Variants in ASIP observed in about 807,000 individuals in gnomAD.
The protein encoded by ASIP is agouti-signaling protein.
ASIP carries 11 observed loss-of-function variants against 10.3 expected under a neutral mutation model. The ratio of observed to expected loss-of-function variants is 1.07; its 90% CI spans 0.68 to 1.78. The LOEUF is 1.78. Ranked by LOEUF, ASIP falls within the 40% of genes most tolerant of loss-of-function variation. ASIP has a pLI of 0.00. For missense variants in ASIP, 180 were observed against 169.2 expected (o/e 1.06, Z -0.35); for synonymous variants, 70 against 70.8 (o/e 0.99, Z 0.06).
At chr20:34,214,094 A>C in intron 1 of ASIP, 1 of 1,174,628 alleles carries the variant, frequency 8.5e-7, no homozygotes, top group Non-Finnish European at 1.3e-6. Context: ...AAATTTGATC[A>C]TCGCTGCTCA....
chr20:34,243,600 C>T (rs1361581165), intron 1 of ASIP, among the ~76,000 whole-genome samples: 3 of 151,968 alleles, frequency 2.0e-5, no homozygotes, highest in Non-Finnish European at 2.9e-5. Context: ...AGACATCTGC[C>T]AGCACCAACA....
chr20:34,222,538 C>A (rs1207079363), intron 1 of ASIP, among the ~76,000 whole-genome samples: 1 of 152,104 alleles, frequency 6.6e-6, no homozygotes, highest in Non-Finnish European at 1.5e-5. Context: ...TTTTTTCAGG[C>A]CCTAGATTCT....
chr20:34,249,780 A>G (rs2035443783), intron 1 of ASIP, among the ~76,000 whole-genome samples: 1 of 152,232 alleles, frequency 6.6e-6, no homozygotes, highest in Non-Finnish European at 1.5e-5. Context: ...TATGCAGAAC[A>G]TAAAGCAACT....
chr20:34,208,799 A>G (rs1475865236), intron 1 of ASIP, among the ~76,000 whole-genome samples: 1 of 152,172 alleles, frequency 6.6e-6, no homozygotes, highest in Non-Finnish European at 1.5e-5. Flanking sequence ...TCTTGAATCA[A>G]TGTTTTATAG....
chr20:34,194,526 A>G (rs75410524), upstream of ASIP: 1 of 104,514 alleles, frequency 9.6e-6, no homozygotes, highest in African/African-American at 3.5e-5. Context: ...GTTTCAAAGG[A>G]AAAAAAAAAA....
At chr20:34,235,767 AGAGT>A (rs2035173347) in intron 1 of ASIP, among the ~76,000 whole-genome samples, 1 of 147,836 alleles carries the variant, frequency 6.8e-6, no homozygotes, top group African/African-American at 2.5e-5. Flanking sequence ...CCTGTGTGAC[AGAGT>A]GAGACTCTGA....
Position 34,241,489 on chromosome 20 carries a change from T to C in ASIP, c.-11T>C, listed in dbSNP as rs1568759216. 1 of 985,326 alleles carries C rather than the reference T, an allele frequency of 1.0e-6. No individual in the cohort carries two copies. Among genetic ancestry groups the C allele is most frequent in the Non-Finnish European group, 1.2e-6 (1 of 829,946 alleles). 61.0% of individuals were successfully genotyped at this position (985,326 alleles called of 1,614,324 possible). On this transcript the variant is annotated splice_region_variant and 5_prime_UTR_variant, in exon 1 of 4. An upstream start codon of the reference 5' UTR is lost. Transcript: ENST00000374954. ...GGCCTGGGCTCTTTGCGGGAAAGCA[T>C]GTGAGTTTAGATGGCAACTTTAATC...
chr20:34,252,278 C>T (rs751093022), intron 1 of ASIP, among the ~76,000 whole-genome samples: 17 of 152,138 alleles, frequency 1.1e-4, no homozygotes, highest in Non-Finnish European at 2.1e-4. Flanking sequence ...CTCTGAGTTC[C>T]CTCAGTATTT....
chr20:34,260,514 T>G lies in ASIP; in HGVS notation c.140T>G (p.Val47Gly). The G allele has an allele frequency of 6.2e-7, 1 of 1,613,232 alleles. No homozygotes were observed. The highest frequency in any genetic ancestry group is 1.3e-5 in the African/African-American group (1 of 75,048). Residue 47 changes from valine (V) to glycine (G), a missense_variant, in exon 2 of 4, where the codon GTC (valine) becomes GGC (glycine). Transcript: ENST00000374954. ...AACTCCTCTGTGAACCTACTGGATG[T>G]CCCTTCTGTCTCTATTGTGGGTAAG... is the stretch of plus-strand genomic sequence containing the variant. Reference protein sequence around the residue: ...RSNSSVNLLDVPSVSIVALNK... With the variant: ...RSNSSVNLLDGPSVSIVALNK...
At chr20:34,196,644 G>T (rs1291524838) in intron 1 of ASIP, among the ~76,000 whole-genome samples, 1 of 152,178 alleles carries the variant, frequency 6.6e-6, no homozygotes, top group Non-Finnish European at 1.5e-5. Flanking sequence ...GATTTATTCA[G>T]ATTTTGGGAA....
At chr20:34,194,856 C>T (rs1467845214) in intron 1 of ASIP, 1 of 152,210 alleles carries the variant, frequency 6.6e-6, no homozygotes, top group Admixed American at 6.6e-5. Flanking sequence ...TATCTATGGG[C>T]TTGACTTCTT....
At chr20:34,240,592 G>A (rs573271487), upstream of ASIP, among the ~76,000 whole-genome samples, 2 of 152,254 alleles carry the variant, frequency 1.3e-5, no homozygotes, top group East Asian at 3.9e-4. Flanking sequence ...CTAATAAGGT[G>A]GGCTGGGCCT....
At chr20:34,247,300 C>CTTTT (rs201908221) in intron 1 of ASIP, among the ~76,000 whole-genome samples, 2 of 120,692 alleles carry the variant, frequency 1.7e-5, no homozygotes, top group Non-Finnish European at 3.5e-5. Context: ...TTATATGATG[C>CTTTT]TTTTTTTTTT....
At chr20:34,267,748 C>A (rs948132664) in intron 3 of ASIP, among the ~76,000 whole-genome samples, 1 of 151,692 alleles carries the variant, frequency 6.6e-6, no homozygotes, top group Non-Finnish European at 1.5e-5. Context: ...TCGGGCTGGT[C>A]CCAAACTCCC....
intron 1 of ASIP, among the ~76,000 whole-genome samples, chr20:34,216,065 C>T (rs1379908651): frequency 1.3e-5 from 2 of 152,258 alleles, no homozygotes; most frequent in Non-Finnish European, 2.9e-5. Context: ...GGACAGCGGC[C>T]CTCGTCCTTG....
At chr20:34,255,508 G>C (rs2035552247) in intron 1 of ASIP, among the ~76,000 whole-genome samples, 1 of 152,066 alleles carries the variant, frequency 6.6e-6, no homozygotes, top group Admixed American at 6.5e-5. Flanking sequence ...GGCACAAGCT[G>C]CTCCAGTATA....
chr20:34,199,927 C>T (rs1180572941), intron 1 of ASIP, among the ~76,000 whole-genome samples: 3 of 152,146 alleles, frequency 2.0e-5, no homozygotes, highest in Non-Finnish European at 4.4e-5. Context: ...TTGTCACCCC[C>T]GTAAAGAACT....
intron 1 of ASIP, among the ~76,000 whole-genome samples, chr20:34,204,026 A>G (rs1321681792): frequency 6.6e-6 from 1 of 152,164 alleles, no homozygotes; most frequent in African/African-American, 2.4e-5. Context: ...GCCCGGCCAT[A>G]AATGGCATAT....
intron 2 of ASIP, among the ~76,000 whole-genome samples, chr20:34,261,980 G>A (rs1230556835): frequency 6.6e-6 from 1 of 151,808 alleles, no homozygotes; most frequent in Non-Finnish European, 1.5e-5. Flanking sequence ...AGGTGTGGTG[G>A]TACATGCCTG....
Sources: allele counts gnomAD v4.1 joint callset (sites outside exome capture counted in the v4.1 genomes callset), GRCh38; gene constraint gnomAD v4.1.1; transcripts MANE v1.5; gene names NCBI Gene and HGNC (gene_info 2026-07-23, HGNC 2026-07-21).